Variants in DNAH11 observed in about 807,000 individuals in gnomAD.
DNAH11 encodes the protein axonemal beta dynein heavy chain 11.
In DNAH11, 442 loss-of-function variants were observed where a neutral mutation model predicts 526.0. The observed-to-expected ratio is 0.84, with a 90% CI of 0.78 to 0.91. The LOEUF is 0.91. DNAH11 is among the 40% of genes least tolerant of loss of function. DNAH11 has a pLI of 0.00. For missense variants in DNAH11, 6,989 were observed against 5,448.7 expected (o/e 1.28, Z -8.90); for synonymous variants, 2,461 against 1,935.9 (o/e 1.27, Z -7.12).
At position 21,880,811 on chromosome 7, in the gene DNAH11, G is replaced by A; in HGVS notation, c.12305G>A (p.Trp4102Ter). 1 of 1,613,970 alleles carries A rather than the reference G, an allele frequency of 6.2e-7. No individual in the cohort carries two copies. Among genetic ancestry groups the A allele is most frequent in the Non-Finnish European group, 8.5e-7 (1 of 1,179,882 alleles). ...AGRLRFGPQG[W>*]SRSYPFNPGD... ...AGACTGAGGTTTGGCCCCCAGGGCT[G>A]GAGCCGAAGCTATCCTTTTAATCCT... Residue 4102 changes from tryptophan (W) to a stop codon, truncating the protein, a stop_gained, in exon 75 of 82, where the codon TGG (tryptophan) becomes TAG (stop). Coordinates refer to ENST00000409508, the MANE Select transcript of DNAH11 (RefSeq NM_001277115.2). LOFTEE classifies it high-confidence loss of function.
At chr7:21,875,547 C>T (rs1464511807) in intron 74 of DNAH11, among the ~76,000 whole-genome samples, 1 of 152,140 alleles carries the variant, frequency 6.6e-6, no homozygotes, top group Admixed American at 6.5e-5. Flanking sequence ...CCTACAATCC[C>T]AGCACTTTAG....
At chr7:21,586,980 C>A (rs549070424) in intron 9 of DNAH11, among the ~76,000 whole-genome samples, 1 of 152,200 alleles carries the variant, frequency 6.6e-6, no homozygotes, top group Non-Finnish European at 1.5e-5. Context: ...AAATCATTCC[C>A]TCCTTGTAAC....
chr7:21,779,961 G>C (rs575751114), intron 57 of DNAH11, among the ~76,000 whole-genome samples: 1 of 151,916 alleles, frequency 6.6e-6, no homozygotes, highest in African/African-American at 2.4e-5. Context: ...TGTATTTTAT[G>C]TTACCTGAAA....
At chr7:21,851,423 A>G in intron 66 of DNAH11, 1 of 367,242 alleles carries the variant, frequency 2.7e-6, no homozygotes. Flanking sequence ...TCGCACCTTG[A>G]GAGCAGATTA....
At chr7:21,648,861 TTTTC>T (rs988623379) in intron 28 of DNAH11, among the ~76,000 whole-genome samples, 27 of 152,160 alleles carry the variant, frequency 1.8e-4, no homozygotes, top group Non-Finnish European at 2.9e-4. Flanking sequence ...CAAGTTTTTG[TTTTC>T]TTTATTTCTT....
At chr7:21,755,207 A>G (rs57899003) in intron 54 of DNAH11, among the ~76,000 whole-genome samples, 82 of 152,338 alleles carry the variant, frequency 5.4e-4, no homozygotes, top group African/African-American at 1.9e-3. Context: ...GGCAGTTCCC[A>G]TTAACAACCA....
chr7:21,616,541 C>T (rs1189084258), intron 22 of DNAH11, among the ~76,000 whole-genome samples: 2 of 152,080 alleles, frequency 1.3e-5, no homozygotes. Flanking sequence ...TTATGAGCTT[C>T]CTACAGCTTC....
intron 63 of DNAH11, among the ~76,000 whole-genome samples, chr7:21,809,372 C>T (rs1789408223): frequency 6.6e-6 from 1 of 152,122 alleles, no homozygotes; most frequent in African/African-American, 2.4e-5. Context: ...CTTTGCTGAG[C>T]AGAAGCCTTT....
intron 60 of DNAH11, 109 bp from the exon 61 acceptor site, chr7:21,789,132 A>AT: frequency 2.4e-6 from 2 of 819,898 alleles, no homozygotes; most frequent in South Asian, 3.4e-5. Context: ...CAATAAAAAA[A>AT]GAGAAGTTGC....
chr7:21,614,003 C>T (rs1166337774), intron 20 of DNAH11, among the ~76,000 whole-genome samples: 3 of 151,658 alleles, frequency 2.0e-5, no homozygotes, highest in Non-Finnish European at 2.9e-5. Flanking sequence ...TCTCAAACTC[C>T]TGGGCTCAAG....
Position 21,683,876 on chromosome 7 carries a change from C to A in DNAH11, c.5553C>A (p.Ala1851=), listed in dbSNP as rs746430440. The A allele has an allele frequency of 6.2e-7, 1 of 1,613,540 alleles. No individual in the cohort carries two copies. Among genetic ancestry groups the A allele is most frequent in the Non-Finnish European group, 8.5e-7 (1 of 1,179,708 alleles). Reference sequence around the variant, plus strand: ...ACTGCTTTGTTAATATTTGTGATGCCCAGTTCCAGTACTTCTATGAATACT... The same window carrying A: ...ACTGCTTTGTTAATATTTGTGATGCACAGTTCCAGTACTTCTATGAATACT... The part of the protein sequence containing the change: ...QKHCFVNICD[A]QFQYFYEYLG... The change falls in exon 32 of 82, where the codon GCC becomes GCA. Residue 1851 remains alanine (A), a synonymous_variant. Coordinates refer to ENST00000409508, the MANE Select transcript of DNAH11 (RefSeq NM_001277115.2).
chr7:21,732,129 C>G (rs1583638924), intron 45 of DNAH11, among the ~76,000 whole-genome samples: 1 of 152,306 alleles, frequency 6.6e-6, no homozygotes, highest in African/African-American at 2.4e-5. Context: ...CAAAATACCA[C>G]AGACTGGGCA....
chr7:21,556,666 C>G (rs959094820), intron 2 of DNAH11, among the ~76,000 whole-genome samples: 2 of 152,154 alleles, frequency 1.3e-5, no homozygotes, highest in African/African-American at 2.4e-5. Flanking sequence ...TTAGTCCTCA[C>G]CCTCCTTCCA....
At chr7:21,794,618 C>T (rs1289767678) in intron 61 of DNAH11, among the ~76,000 whole-genome samples, 3 of 152,078 alleles carry the variant, frequency 2.0e-5, no homozygotes, top group Non-Finnish European at 4.4e-5. Flanking sequence ...ATGGAGTGTG[C>T]CTTGTACAGT....
rs561059396 is a variant in DNAH11 at position 21,614,552 on chromosome 7, A to G, written c.3853-562A>G. On this transcript the variant is annotated intron_variant, in intron 20 of 81. Coordinates refer to ENST00000409508, the MANE Select transcript of DNAH11 (RefSeq NM_001277115.2). Reference sequence around the variant, plus strand: ...TTACGTTTGGTGTAAAATGTAAACTATTCTATGTAGATGGGGTATATAATT... The same window carrying G: ...TTACGTTTGGTGTAAAATGTAAACTGTTCTATGTAGATGGGGTATATAATT... Among the ~76,000 whole-genome samples, 4 of 152,346 alleles carry G rather than the reference A, an allele frequency of 2.6e-5. No individual in the cohort carries two copies. In the East Asian group the frequency reaches 7.7e-4, roughly 29 times the overall value.
chr7:21,745,205 A>G (rs1583652860), intron 51 of DNAH11, 142 bp downstream of exon 51: 1 of 894,016 alleles, frequency 1.1e-6, no homozygotes, highest in East Asian at 2.8e-5. Flanking sequence ...AAAATATAAA[A>G]GGGTCGCTTT....
intron 61 of DNAH11, among the ~76,000 whole-genome samples, chr7:21,791,472 C>T (rs1236587068): frequency 6.6e-6 from 1 of 152,210 alleles, no homozygotes; most frequent in Non-Finnish European, 1.5e-5. Flanking sequence ...GAATAAAAGA[C>T]TGAAAACAGA....
At chr7:21,700,553 G>T (rs537909137) in intron 36 of DNAH11, among the ~76,000 whole-genome samples, 1 of 151,954 alleles carries the variant, frequency 6.6e-6, no homozygotes, top group African/African-American at 2.4e-5. Flanking sequence ...TCCCATTGTT[G>T]CCCTCAAAGT....
chr7:21,803,721 T>C (rs564308699), intron 62 of DNAH11, among the ~76,000 whole-genome samples: 1 of 150,824 alleles, frequency 6.6e-6, no homozygotes, highest in South Asian at 2.1e-4. Context: ...GCTGTCATCA[T>C]TGAAGTCTGG....
Sources: gnomAD v4.1 joint callset for allele counts (sites outside exome capture counted in the v4.1 genomes callset) on GRCh38, gnomAD v4.1.1 for gene constraint, MANE v1.5 for transcripts, NCBI Gene and HGNC (gene_info 2026-07-23, HGNC 2026-07-21) for gene names.